The following STRN4 variants were observed in gnomAD, a reference collection of about 807,000 sequenced individuals.
The protein encoded by STRN4 is striatin 4.
Under a neutral mutation model 77.9 loss-of-function variants are expected in STRN4, and 27 were observed. That is an observed-to-expected ratio of 0.35 (90% confidence interval 0.26 to 0.48). The LOEUF (loss-of-function observed/expected upper bound fraction) is 0.48. Among genes scored for constraint, STRN4 ranks in the 20% least tolerant of loss-of-function variants. The probability of loss-of-function intolerance (pLI) is 0.99; values close to 1 mark genes in which losing one functional copy is unlikely to be tolerated. For synonymous variants in STRN4, 466 were observed against 443.1 expected (o/e 1.05, Z -0.65); for missense variants, 798 against 1,049.7 (o/e 0.76, Z 3.31).
At chr19:46,729,020 C>T (rs1217480267) in intron 6 of STRN4, among the ~76,000 whole-genome samples, 1 of 152,236 alleles carries the variant, frequency 6.6e-6, no homozygotes, top group Non-Finnish European at 1.5e-5. Context: ...CAGCCTGCTC[C>T]AGTCCCCCAG....
In STRN4 at chr19:46,743,429, G is replaced by C. The variant is rs74540411; in HGVS notation, c.282+2720C>G. On this transcript the variant is annotated intron_variant, in intron 1 of 17. Transcript: ENST00000263280. ...CATCTTTTCTCTCATCAGCCTCCAG[G>C]ATGAGAAGATGGTGTGGTGGGTGCT... is the stretch of plus-strand genomic sequence containing the variant. Among the ~76,000 whole-genome samples the C allele has an allele frequency of 1.8e-3, 274 of 152,334 alleles. 1 individual carries two copies. Among genetic ancestry groups the C allele is most frequent in the African/African-American group, 5.9e-3 (246 of 41,570 alleles).
rs1693994 is a variant in STRN4, at chr19:46,746,450, T to C, written c.-20A>G. Reference sequence around the variant, plus strand: ...CATCATGGAGGCCCCGGGGCCGGCCTGCGCGCCCGCTGTGCCTCGCGCGCC... The same window carrying C: ...CATCATGGAGGCCCCGGGGCCGGCCCGCGCGCCCGCTGTGCCTCGCGCGCC... On this transcript the variant is annotated 5_prime_UTR_variant, in exon 1 of 18. Transcript: ENST00000263280. The C allele has an allele frequency of 0.73, 728,467 of 997,248 alleles. 267,592 individuals carry two copies. The highest frequency in any genetic ancestry group is 0.9 in the African/African-American group (50,330 of 56,000). 61.8% of individuals were successfully genotyped at this position (997,248 alleles called of 1,614,324 possible).
intron 11 of STRN4, 108 bp downstream of exon 11, chr19:46,725,224 C>T (rs2054081120): frequency 1.3e-6 from 2 of 1,482,690 alleles, no homozygotes; most frequent in African/African-American, 1.4e-5. Flanking sequence ...CTCAGAGCCC[C>T]CTGCTGTCCT....
rs2054403803 is a variant in STRN4 at position 46,738,017 on chromosome 19, A to T, written c.460+147T>A. 1 of 790,784 alleles carries T rather than the reference A, an allele frequency of 1.3e-6. No homozygotes were observed. Among genetic ancestry groups the T allele is most frequent in the Admixed American group, 2.1e-5 (1 of 48,224 alleles). The allele number at this position is 790,784 out of a possible 1,614,324, so 49.0% of individuals were successfully genotyped here. ...GGCAGCCCATAGGGAGGGCTCTGAG[A>T]GTGAGATTCCGCCCCTCCCCAGCCC... On this transcript the variant is annotated intron_variant, in intron 3 of 17. Transcript: ENST00000263280. This position sits in a 1 kb window ranked among gnomAD's most constrained non-coding sequence, Gnocchi z 4.5.
At chr19:46,731,156 C>G (rs1344699685) in intron 5 of STRN4, among the ~76,000 whole-genome samples, 1 of 152,222 alleles carries the variant, frequency 6.6e-6, no homozygotes, top group African/African-American at 2.4e-5. Flanking sequence ...GGTCACAAAT[C>G]TCCATCCTGT....
chr19:46,737,540 GC>G (rs1265268276), intron 3 of STRN4, among the ~76,000 whole-genome samples: 1 of 83,914 alleles, frequency 1.2e-5, no homozygotes, highest in East Asian at 2.8e-4. Flanking sequence ...CACCCAGCCC[GC>G]CCTCCCACAT....
rs746400871 is a variant in STRN4 at position 46,725,540 on chromosome 19, G to A, written c.1357C>T (p.Leu453=). The A allele has an allele frequency of 1.2e-6, 2 of 1,614,106 alleles. No homozygotes were observed. Among genetic ancestry groups the A allele is most frequent in the Non-Finnish European group, 1.7e-6 (2 of 1,180,044 alleles). ...GTGCCGTCCTCGGAGGCGGTGAGCAGAGCCGACTGGCTGTGGTGGAAGGCC... is the reference window on the plus strand; with the variant it reads ...GTGCCGTCCTCGGAGGCGGTGAGCAAAGCCGACTGGCTGTGGTGGAAGGCC... The part of the protein sequence containing the change: ...SLAFHHSQSA[L]LTASEDGTLK... Residue 453 remains leucine, a synonymous_variant, in exon 10 of 18, where the codon CTG becomes TTG. Coordinates refer to ENST00000263280, the MANE Select transcript of STRN4 (RefSeq NM_013403.3).
chr19:46,731,046 C>T (rs2054239450), intron 5 of STRN4, 173 bp from the exon 6 acceptor site: 1 of 870,832 alleles, frequency 1.1e-6, no homozygotes, highest in African/African-American at 1.7e-5. Context: ...CTCTGCCCAA[C>T]AAATGCTCAT....
intron 15 of STRN4, 23 bp downstream of exon 15, chr19:46,722,219 G>T: frequency 1.2e-6 from 2 of 1,611,368 alleles, no homozygotes; most frequent in South Asian, 2.2e-5. Flanking sequence ...CACCCACTAC[G>T]AGCACAAGGG....
intron 7 of STRN4, chr19:46,728,339 T>G (rs2054170064): frequency 3.4e-6 from 2 of 584,836 alleles, no homozygotes; most frequent in East Asian, 2.9e-5. Context: ...GTTCCCTCCT[T>G]GAGGCCAGCC....
intron 13 of STRN4, 45 bp from the exon 14 acceptor site, chr19:46,722,995 C>T (rs2054016835): frequency 1.9e-6 from 3 of 1,608,476 alleles, no homozygotes; most frequent in Non-Finnish European, 2.5e-6. Context: ...ACCCTCAGAC[C>T]CAGCCCTGCC....
intron 1 of STRN4, among the ~76,000 whole-genome samples, chr19:46,745,154 A>G (rs1314317057): frequency 6.7e-6 from 1 of 150,158 alleles, no homozygotes; most frequent in Non-Finnish European, 1.5e-5. Flanking sequence ...GCACCATCCC[A>G]GGACCCTCAC....
In STRN4 at chr19:46,738,243, A is replaced by G. The variant is rs2054407892; in HGVS notation, c.387-6T>C. ...TCAGTTTATGATATTTGGCCCTAAA[A>G]GAGCAAATGATTAATGAATAAGAGA... On this transcript the variant is annotated splice_region_variant and splice_polypyrimidine_tract_variant and intron_variant, in intron 2 of 17. Transcript: ENST00000263280. The surrounding 1 kb of genome is among the most constrained non-coding windows in gnomAD (Gnocchi z 4.5). The G allele has an allele frequency of 1.9e-6, 3 of 1,613,700 alleles. No homozygotes were observed. The highest frequency in any genetic ancestry group is 2.5e-6 in the Non-Finnish European group (3 of 1,179,628).
chr19:46,727,878 G>C lies in STRN4; in HGVS notation c.1153+16C>G, dbSNP rs373291559. 469 of 1,575,258 alleles carry C rather than the reference G, an allele frequency of 3.0e-4. 2 individuals are homozygous for C. Among genetic ancestry groups the C allele is most frequent in the East Asian group, 1.6e-4 (7 of 44,508 alleles). On this transcript the variant is annotated intron_variant, in intron 8 of 17. Coordinates refer to ENST00000263280, the MANE Select transcript of STRN4 (RefSeq NM_013403.3). Reference sequence around the variant, plus strand: ...TGGGCCCGCAGGACTGGGACCAGGTGGGGGGTGCCTCTTACCTTCATGTGG... The same window carrying C: ...TGGGCCCGCAGGACTGGGACCAGGTCGGGGGTGCCTCTTACCTTCATGTGG...
Position 46,728,629 on chromosome 19 carries a change from G to A in STRN4, c.1028C>T (p.Pro343Leu), listed in dbSNP as rs1331209050. ...AAACGTCAGCTCACCCAGCTCATGG[G>A]GGCTCCCATCCACAGTGCACCGCCG... ...DPRRCTVDGS[P>L]HELESRRVKL... The change falls in exon 7 of 18, where the codon CCC (proline) becomes CTC (leucine). Residue 343 changes from proline (P) to leucine (L), a missense_variant. Around this residue, in one of 2 missense-constraint regions of STRN4, gnomAD observed 511 missense variants for 575.9 expected, o/e 0.89. Transcript: ENST00000263280. 5 of 1,613,252 alleles carry A rather than the reference G, an allele frequency of 3.1e-6. No individual in the cohort carries two copies. Among genetic ancestry groups the A allele is most frequent in the African/African-American group, 1.3e-5 (1 of 74,908 alleles).
intron 16 of STRN4, chr19:46,721,731 C>A: frequency 2.1e-6 from 1 of 473,352 alleles, no homozygotes; most frequent in Non-Finnish European, 3.9e-6. Context: ...TCAGGGCCCA[C>A]ATCTGTAAAC....
chr19:46,720,946 C>A, intron 16 of STRN4, 175 bp from the exon 17 acceptor site: 1 of 599,078 alleles, frequency 1.7e-6, no homozygotes. Flanking sequence ...CCCTGGTCCC[C>A]TCCTGTCCAC....
chr19:46,725,500 T>C lies in STRN4; in HGVS notation c.1397A>G (p.Asn466Ser). The C allele has an allele frequency of 6.2e-7, 1 of 1,614,044 alleles. No homozygotes were observed. The highest frequency in any genetic ancestry group is 8.5e-7 in the Non-Finnish European group (1 of 1,180,006). Residue 466 changes from asparagine (N) to serine (S), a missense_variant, in exon 10 of 18, where the codon AAC (asparagine) becomes AGC (serine). Around this residue, in one of 2 missense-constraint regions of STRN4, gnomAD observed 287 missense variants for 473.8 expected, o/e 0.61. Transcript: ENST00000263280. ...ASEDGTLKLW[N>S]LQKAVTAKKN... ...CTTGGCCGTGACCGCCTTCTGCAGG[T>C]TCCAGAGCTTGAGCGTGCCGTCCTC...
chr19:46,727,574 G>A lies in STRN4; in HGVS notation c.1154-28C>T, dbSNP rs745936511. ...GAGGAGAAGCCAAAGGAACCTGGTA[G>A]GGGGAGGGGAGGGAGGGGCAGAGAG... On this transcript the variant is annotated intron_variant, in intron 8 of 17. Coordinates refer to ENST00000263280, the MANE Select transcript of STRN4 (RefSeq NM_013403.3). 1.9e-6 allele frequency: 3 copies of A among 1,607,668 alleles called. No homozygotes were observed. The South Asian group carries it at 3.3e-5, about 18-fold the overall frequency.
Sources: allele counts gnomAD v4.1 joint callset (sites outside exome capture counted in the v4.1 genomes callset), GRCh38; gene constraint gnomAD v4.1.1; regional missense constraint gnomAD v4.1.1; non-coding constraint Gnocchi (gnomAD v3.1); transcripts MANE v1.5; gene names NCBI Gene and HGNC (gene_info 2026-07-23, HGNC 2026-07-21).